The following KCNQ5 variants were observed in gnomAD, a reference collection of about 807,000 sequenced individuals.
KCNQ5 encodes the protein potassium voltage-gated channel subfamily Q member 5, also known as potassium voltage-gated channel subfamily KQT member 5.
Under a neutral mutation model 98.2 loss-of-function variants are expected in KCNQ5, and 30 were observed. The observed-to-expected ratio is 0.31, with a 90% confidence interval of 0.23 to 0.41. The LOEUF (loss-of-function observed/expected upper bound fraction) is 0.41. Among genes scored for constraint, KCNQ5 ranks in the 10% least tolerant of loss-of-function variants. The pLI is 1.00. For missense variants in KCNQ5, 835 were observed against 1,182.5 expected, an observed-to-expected ratio of 0.71 and a Z score of 4.31; for synonymous variants, 458 against 449.4, an observed-to-expected ratio of 1.02 and a Z score of -0.24.
chr6:72,787,823 G>A (rs914858820), intron 1 of KCNQ5, among the ~76,000 whole-genome samples: 21 of 152,100 alleles, frequency 1.4e-4, no homozygotes, highest in African/African-American at 4.8e-4. Flanking sequence ...CATTCTTCCT[G>A]TGCATTCACC....
chr6:73,105,114 G>A, intron 5 of KCNQ5, 143 bp from the exon 6 acceptor site: 2 of 489,034 alleles, frequency 4.1e-6, no homozygotes, highest in East Asian at 6.1e-5. Flanking sequence ...CATGCGTCAT[G>A]GAAAATTAAA....
intron 1 of KCNQ5, among the ~76,000 whole-genome samples, chr6:72,838,821 G>A (rs1776640586): frequency 6.6e-6 from 1 of 150,634 alleles, no homozygotes; most frequent in Admixed American, 6.6e-5. Flanking sequence ...GTGGTAGCGG[G>A]CGCCTGTAGT....
At chr6:72,860,651 CT>C (rs899395404) in intron 1 of KCNQ5, among the ~76,000 whole-genome samples, 3 of 151,996 alleles carry the variant, frequency 2.0e-5, no homozygotes, top group African/African-American at 7.2e-5. Context: ...TATTCATTTT[CT>C]ACTACAAGAA....
At chr6:73,073,436 C>G (rs1226939461) in intron 3 of KCNQ5, among the ~76,000 whole-genome samples, 1 of 152,132 alleles carries the variant, frequency 6.6e-6, no homozygotes, top group Non-Finnish European at 1.5e-5. Flanking sequence ...AGCAGCAACC[C>G]TAGTCTCTAC....
chr6:72,751,226 A>G (rs2154476589), intron 1 of KCNQ5, among the ~76,000 whole-genome samples: 1 of 152,122 alleles, frequency 6.6e-6, no homozygotes, highest in South Asian at 2.1e-4. Flanking sequence ...ATTTCAGGAA[A>G]AGGGTACAGT....
intron 1 of KCNQ5, among the ~76,000 whole-genome samples, chr6:72,899,395 C>T (rs1779386711): frequency 6.6e-6 from 1 of 152,088 alleles, no homozygotes; most frequent in African/African-American, 2.4e-5. Flanking sequence ...TTCCTTCTCT[C>T]AGATCGTTTA....
At chr6:73,194,399 T>G in intron 13 of KCNQ5, 53 bp from the exon 14 acceptor site, 3 of 1,507,142 alleles carry the variant, frequency 2.0e-6, no homozygotes, top group Non-Finnish European at 2.7e-6. Context: ...AAAAATGAAG[T>G]CCATTCTTAA....
intron 1 of KCNQ5, among the ~76,000 whole-genome samples, chr6:72,737,928 G>A (rs964459084): frequency 3.3e-5 from 5 of 152,060 alleles, no homozygotes; most frequent in Admixed American, 6.6e-5. Flanking sequence ...GGCCGAGGTG[G>A]GTGGATCACA....
chr6:72,801,917 T>G (rs1390490510), intron 1 of KCNQ5, among the ~76,000 whole-genome samples: 1 of 152,088 alleles, frequency 6.6e-6, no homozygotes, highest in Non-Finnish European at 1.5e-5. Flanking sequence ...AAATTCTGGG[T>G]TGGAAATTCT....
At chr6:72,834,335 T>C (rs115033666) in intron 1 of KCNQ5, among the ~76,000 whole-genome samples, 2,157 of 152,228 alleles carry the variant, frequency 0.014, 40 homozygotes, top group Middle Eastern at 0.058. Flanking sequence ...CCTGTACTGC[T>C]CAAAAGCAAT....
At chr6:73,100,248 A>G (rs1774710433) in intron 5 of KCNQ5, among the ~76,000 whole-genome samples, 1 of 152,258 alleles carries the variant, frequency 6.6e-6, no homozygotes, top group African/African-American at 2.4e-5. Context: ...TAAAGAAGAA[A>G]AACTTCAAAT....
chr6:72,885,451 A>ACC (rs1282240661), intron 1 of KCNQ5, among the ~76,000 whole-genome samples: 3 of 152,154 alleles, frequency 2.0e-5, no homozygotes, highest in Non-Finnish European at 4.4e-5. Flanking sequence ...ATAGTGAGAC[A>ACC]CTCTCTCTAA....
chr6:73,055,465 G>T (rs1772441401), intron 3 of KCNQ5: 1 of 1,552,336 alleles, frequency 6.4e-7, no homozygotes. Context: ...CACCTCCGAT[G>T]GAGCCCTACC....
chr6:73,156,102 T>C (rs1777351844), intron 10 of KCNQ5, among the ~76,000 whole-genome samples: 1 of 152,174 alleles, frequency 6.6e-6, no homozygotes, highest in Non-Finnish European at 1.5e-5. Flanking sequence ...AAATGGTAAC[T>C]CTAAATCTAG....
At chr6:72,879,698 G>A (rs928395908) in intron 1 of KCNQ5, among the ~76,000 whole-genome samples, 2 of 152,018 alleles carry the variant, frequency 1.3e-5, no homozygotes, top group Non-Finnish European at 2.9e-5. Context: ...CTAAATTTTC[G>A]AGATGTCTCA....
rs531729209 is a variant in KCNQ5 at position 72,988,484 on chromosome 6, A to G, written c.399-15424A>G. ...ACCCACGGTCGTAAACATGGGAACAATAGACACTGCAGACTACTAGAGGGG... is the reference window on the plus strand; with the variant it reads ...ACCCACGGTCGTAAACATGGGAACAGTAGACACTGCAGACTACTAGAGGGG... On this transcript the variant is annotated intron_variant, in intron 1 of 13. Coordinates refer to ENST00000370398, the MANE Select transcript of KCNQ5 (RefSeq NM_019842.4). Among the ~76,000 whole-genome samples the G allele has an allele frequency of 6.6e-5, 10 of 152,230 alleles. No homozygotes were observed. The South Asian group carries it at 8.3e-4, about 13-fold the overall frequency.
At chr6:72,881,869 T>G (rs1038528238) in intron 1 of KCNQ5, among the ~76,000 whole-genome samples, 1 of 152,122 alleles carries the variant, frequency 6.6e-6, no homozygotes, top group Non-Finnish European at 1.5e-5. Context: ...TTTTTGTATT[T>G]TCAGTAGAGA....
At chr6:72,809,671 A>G (rs1243249221) in intron 1 of KCNQ5, among the ~76,000 whole-genome samples, 1 of 152,214 alleles carries the variant, frequency 6.6e-6, no homozygotes, top group Non-Finnish European at 1.5e-5. Flanking sequence ...ACTGTGTTGG[A>G]TGGAAATTTG....
chr6:72,854,721 TACACACAC>T lies in KCNQ5; in HGVS notation c.399-149164_399-149157del, dbSNP rs59899899. 8.3e-3 allele frequency among the ~76,000 whole-genome samples: 1,052 copies of T among 126,834 alleles called. 11 individuals carry two copies. The highest frequency in any genetic ancestry group is 9.6e-3 in the African/African-American group (324 of 33,798). 83.2% of individuals were successfully genotyped at this position (126,834 alleles called of 152,430 possible). On this transcript the variant is annotated intron_variant, in intron 1 of 13. Transcript: ENST00000370398. ...TAGTAACAACCTCTCTCTTTCTTTG[TACACACAC>T]ACACACACACACACACACACACCAT... is the stretch of plus-strand genomic sequence containing the variant.
Sources: allele counts gnomAD v4.1 joint callset (sites outside exome capture counted in the v4.1 genomes callset), GRCh38; gene constraint gnomAD v4.1.1; transcripts MANE v1.5; gene names NCBI Gene and HGNC (gene_info 2026-07-23, HGNC 2026-07-21).